Variants in MATN2 observed in about 807,000 individuals in gnomAD.
MATN2 encodes the protein matrilin-2.
MATN2 carries 69 observed loss-of-function variants against 103.2 expected under a neutral mutation model. The ratio of observed to expected loss-of-function variants is 0.67; its 90% CI spans 0.55 to 0.82. The LOEUF (loss-of-function observed/expected upper bound fraction) is 0.82. MATN2 is among the 40% of genes least tolerant of loss of function. The pLI is 0.00. For missense variants in MATN2, 1,023 were observed against 1,211.5 expected (o/e 0.84, Z 2.31); for synonymous variants, 429 against 450.2 (o/e 0.95, Z 0.60).
At chr8:98,008,093 G>T (rs1813034245) in intron 10 of MATN2, among the ~76,000 whole-genome samples, 1 of 152,182 alleles carries the variant, frequency 6.6e-6, no homozygotes, top group African/African-American at 2.4e-5. Flanking sequence ...TCCAAAGTCA[G>T]TCCTGGGAGA....
chr8:97,941,918 T>A lies in MATN2; in HGVS notation c.835+19T>A. On this transcript the variant is annotated intron_variant, in intron 4 of 18. Transcript: ENST00000254898. ...TGCAGAAGTAAGATTGCTTTGCTGA[T>A]GTATTTGTGGTTTCTTCCTATTCCC... 1 of 1,610,976 alleles carries A rather than the reference T, an allele frequency of 6.2e-7. No individual in the cohort carries two copies. The highest frequency in any genetic ancestry group is 1.3e-5 in the African/African-American group (1 of 74,966).
chr8:97,925,228 G>T (rs1447168303), intron 2 of MATN2, among the ~76,000 whole-genome samples: 1 of 152,206 alleles, frequency 6.6e-6, no homozygotes, highest in East Asian at 1.9e-4. Context: ...AGTAGTGTAT[G>T]AATGGTTGAA....
At chr8:97,944,489 A>G (rs1039140643) in intron 4 of MATN2, among the ~76,000 whole-genome samples, 13 of 152,222 alleles carry the variant, frequency 8.5e-5, no homozygotes, top group Non-Finnish European at 1.6e-4. Context: ...TTGGTGTACC[A>G]GGGGCCTTGG....
chr8:97,963,754 C>T (rs2130264817), intron 5 of MATN2, among the ~76,000 whole-genome samples: 1 of 152,278 alleles, frequency 6.6e-6, no homozygotes, highest in Non-Finnish European at 1.5e-5. Context: ...TCTCCTCCGT[C>T]AGATGATCCT....
chr8:97,893,221 C>G (rs1288990066), intron 2 of MATN2, among the ~76,000 whole-genome samples: 2 of 152,202 alleles, frequency 1.3e-5, no homozygotes, highest in African/African-American at 4.8e-5. Context: ...AGCACCTGCT[C>G]TAGCCCAAAG....
At chr8:97,972,468 T>C (rs1811691527) in intron 5 of MATN2, among the ~76,000 whole-genome samples, 1 of 152,232 alleles carries the variant, frequency 6.6e-6, no homozygotes, top group South Asian at 2.1e-4. Flanking sequence ...GTGTGTCTAA[T>C]GTATGCTCAG....
At chr8:98,002,974 A>T (rs1353305602) in intron 7 of MATN2, among the ~76,000 whole-genome samples, 1 of 151,976 alleles carries the variant, frequency 6.6e-6, no homozygotes, top group Admixed American at 6.6e-5. Context: ...CAGGTGGGCC[A>T]GCTCCCTCTG....
Position 97,931,347 on chromosome 8 carries a change from G to A in MATN2, c.537G>A (p.Glu179=). ...TDGRPQDSVA[E]VAAKARDTGI... ...GGAGACCTCAGGACTCCGTGGCCGA[G>A]GTGGCTGCTAAGGCACGGGACACGG... The change falls in exon 3 of 19, where the codon GAG becomes GAA. Residue 179 remains glutamate, a synonymous_variant. Coordinates refer to ENST00000254898, the MANE Select transcript of MATN2 (RefSeq NM_002380.5). This position sits in a 1 kb window ranked among gnomAD's most constrained non-coding sequence, Gnocchi z 4.1. 1 of 1,613,918 alleles carries A rather than the reference G, an allele frequency of 6.2e-7. No homozygotes were observed. Among genetic ancestry groups the A allele is most frequent in the South Asian group, 1.1e-5 (1 of 91,080 alleles).
intron 5 of MATN2, among the ~76,000 whole-genome samples, chr8:97,969,921 G>A (rs1811601893): frequency 6.6e-6 from 1 of 152,230 alleles, no homozygotes; most frequent in African/African-American, 2.4e-5. Context: ...TTTATTTAAA[G>A]AAATTTGGTA....
At chr8:97,965,392 G>A (rs1300959223) in intron 5 of MATN2, among the ~76,000 whole-genome samples, 1 of 152,214 alleles carries the variant, frequency 6.6e-6, no homozygotes, top group African/African-American at 2.4e-5. Flanking sequence ...ATGGCAAGAA[G>A]TGGGAAGACC....
chr8:97,911,238 C>T (rs1382217845), intron 2 of MATN2, among the ~76,000 whole-genome samples: 1 of 151,954 alleles, frequency 6.6e-6, no homozygotes, highest in Non-Finnish European at 1.5e-5. Context: ...AGTGATCCGC[C>T]CGCCTCAGCC....
At chr8:97,941,731 G>T (rs537954444) in intron 3 of MATN2, 46 bp from the exon 4 acceptor site, 2 of 1,544,722 alleles carry the variant, frequency 1.3e-6, no homozygotes, top group African/African-American at 2.7e-5. Flanking sequence ...AATGGAGTGA[G>T]AAAGGGCATC....
chr8:98,021,503 G>T (rs759780819), intron 13 of MATN2, among the ~76,000 whole-genome samples, 176 bp downstream of exon 13: 7 of 152,130 alleles, frequency 4.6e-5, no homozygotes, highest in Admixed American at 3.9e-4. Flanking sequence ...AAACACTTTC[G>T]GTTTTAATTG....
In MATN2 at chr8:97,882,428, G is replaced by A. The variant is rs148008395; in HGVS notation, c.-26-5647G>A. 4.0e-3 allele frequency among the ~76,000 whole-genome samples: 602 copies of A among 151,710 alleles called. 3 individuals are homozygous for A. The highest frequency in any genetic ancestry group is 0.013 in the African/African-American group (555 of 41,344). ...TTTTTTTGAGGCCGGGTCTTGCTCT[G>A]TCACCCAGGCTGGGGTGCAGTGGCA... On this transcript the variant is annotated intron_variant, in intron 1 of 18. Transcript: ENST00000254898.
intron 1 of MATN2, among the ~76,000 whole-genome samples, chr8:97,873,032 T>A (rs1477943021): frequency 1.3e-5 from 2 of 152,174 alleles, no homozygotes; most frequent in Non-Finnish European, 2.9e-5. Flanking sequence ...TAACCTTAGG[T>A]GATCTGCCCA....
rs375539224 is a variant in MATN2, at chr8:97,961,425, A to G, written c.853A>G (p.Met285Val). The G allele has an allele frequency of 1.9e-6, 3 of 1,613,182 alleles. No homozygotes were observed. Among genetic ancestry groups the G allele is most frequent in the Non-Finnish European group, 8.5e-7 (1 of 1,179,520 alleles). Residue 285 changes from methionine (M) to valine (V), a missense_variant, in exon 5 of 19, where the codon ATG becomes GTG. By Grantham distance (21) the Met-to-Val change is conservative. Transcript: ENST00000254898. ...TTCRIQDLCA[M>V]EDHNCEQLCV... ...TGCCTCAGTCCAGGATCTGTGTGCC[A>G]TGGAGGACCACAACTGTGAGCAGCT...
At chr8:97,909,496 T>G (rs915061608) in intron 2 of MATN2, among the ~76,000 whole-genome samples, 2 of 152,028 alleles carry the variant, frequency 1.3e-5, no homozygotes, top group Non-Finnish European at 2.9e-5. Flanking sequence ...TTTAGATGAG[T>G]CGGGGGAAGG....
At chr8:98,009,005 C>T (rs1239445481) in intron 10 of MATN2, among the ~76,000 whole-genome samples, 1 of 152,124 alleles carries the variant, frequency 6.6e-6, no homozygotes. Context: ...TAAGTGTTGC[C>T]CATTTTCTCA....
At chr8:97,935,298 C>G (rs1488877846) in intron 3 of MATN2, among the ~76,000 whole-genome samples, 1 of 152,156 alleles carries the variant, frequency 6.6e-6, no homozygotes, top group Non-Finnish European at 1.5e-5. Context: ...TGAGGTGATA[C>G]TAATAATCAC....
Sources: gnomAD v4.1 joint callset for allele counts (sites outside exome capture counted in the v4.1 genomes callset) on GRCh38, gnomAD v4.1.1 for gene constraint, Gnocchi (gnomAD v3.1) non-coding constraint, MANE v1.5 for transcripts, NCBI Gene and HGNC (gene_info 2026-07-23, HGNC 2026-07-21) for gene names.